The following AUTS2 variants were observed in gnomAD, a reference collection of about 807,000 sequenced individuals.
AUTS2 encodes autism susceptibility gene 2 protein.
In AUTS2, 17 loss-of-function variants were observed where a neutral mutation model predicts 112.4. That is an observed-to-expected ratio of 0.15 (90% CI 0.10 to 0.23). The LOEUF (loss-of-function observed/expected upper bound fraction) is 0.23, where lower values mean the gene tolerates loss of function less well. Ranked by LOEUF, AUTS2 falls within the 10% of genes least tolerant of loss-of-function variation. The pLI is 1.00. For missense variants in AUTS2, 1,510 were observed against 1,701.6 expected, an observed-to-expected ratio of 0.89 and a Z score of 1.98; for synonymous variants, 751 against 702.7, an observed-to-expected ratio of 1.07 and a Z score of -1.09.
intron 4 of AUTS2, among the ~76,000 whole-genome samples, chr7:70,406,919 G>A (rs1794560255): frequency 6.6e-6 from 1 of 152,186 alleles, no homozygotes; most frequent in Admixed American, 6.5e-5. Flanking sequence ...TCCAATAGAG[G>A]AAGCAGCTGG....
intron 1 of AUTS2, among the ~76,000 whole-genome samples, chr7:69,806,197 CTTTTTTTTTTTTTTTTT>C (rs56704400): frequency 7.3e-5 from 4 of 55,024 alleles, no homozygotes; most frequent in African/African-American, 1.2e-4. Flanking sequence ...CCAGCCAAGG[CTTTTTTTTTTTTTTTTT>C]TTTTTTTTTT....
At chr7:70,543,698 C>A (rs34624532) in intron 5 of AUTS2, among the ~76,000 whole-genome samples, 11,857 of 152,194 alleles carry the variant, frequency 0.078, 508 homozygotes, top group African/African-American at 0.082. Context: ...TGTTCACAAG[C>A]TCAGGAGCCA....
chr7:70,381,632 A>C (rs1325061492), intron 4 of AUTS2, among the ~76,000 whole-genome samples: 1 of 152,214 alleles, frequency 6.6e-6, no homozygotes, highest in Non-Finnish European at 1.5e-5. Flanking sequence ...CTCTATGATC[A>C]TTAACCCTCC....
chr7:70,184,094 G>A (rs1809473754), intron 4 of AUTS2, among the ~76,000 whole-genome samples: 2 of 152,124 alleles, frequency 1.3e-5, no homozygotes, highest in African/African-American at 4.8e-5. Context: ...TAGTACCTCA[G>A]GATTTTGTTT....
chr7:70,134,748 G>A (rs1299312098), intron 4 of AUTS2, among the ~76,000 whole-genome samples, 177 bp downstream of exon 4: 2 of 152,066 alleles, frequency 1.3e-5, no homozygotes, highest in African/African-American at 2.4e-5. Flanking sequence ...TAGCCTGCTG[G>A]GCCCTAGGGA....
At chr7:70,023,281 C>G (rs921709727) in intron 2 of AUTS2, among the ~76,000 whole-genome samples, 2 of 152,190 alleles carry the variant, frequency 1.3e-5, no homozygotes, top group Non-Finnish European at 2.9e-5. Flanking sequence ...TCATTAACAA[C>G]TTTCTTTAGC....
intron 2 of AUTS2, among the ~76,000 whole-genome samples, chr7:69,900,713 T>C (rs1794934889): frequency 6.6e-6 from 1 of 152,192 alleles, no homozygotes; most frequent in Non-Finnish European, 1.5e-5. Context: ...TTATACGTAG[T>C]GAAGCATATA....
intron 4 of AUTS2, among the ~76,000 whole-genome samples, chr7:70,241,382 G>A (rs141889786): frequency 7.2e-4 from 109 of 152,252 alleles, no homozygotes; most frequent in African/African-American, 1.8e-3. Flanking sequence ...TCTAAGAGGA[G>A]TCAATATAAA....
Position 70,281,496 on chromosome 7 carries a change from A to G in AUTS2, c.660+146925A>G, listed in dbSNP as rs572427739. Among the ~76,000 whole-genome samples, 9 of 152,358 alleles carry G rather than the reference A, an allele frequency of 5.9e-5. No homozygotes were observed. In the South Asian group the frequency reaches 1.9e-3, roughly 32 times the overall value. On this transcript the variant is annotated intron_variant, in intron 4 of 18. Transcript: ENST00000342771. ...AGTTTTCTTCTTTGTAGTTAAAGTG[A>G]TAGGGTGGAAACAGGAGCATAGAAA...
At chr7:69,968,533 G>A (rs1797719871) in intron 2 of AUTS2, among the ~76,000 whole-genome samples, 1 of 152,158 alleles carries the variant, frequency 6.6e-6, no homozygotes. Context: ...TTAGAAATGA[G>A]GTTTCCAGGA....
intron 1 of AUTS2, among the ~76,000 whole-genome samples, chr7:69,867,451 C>G (rs1439968247): frequency 6.6e-6 from 1 of 152,114 alleles, no homozygotes; most frequent in Non-Finnish European, 1.5e-5. Context: ...GTTTTAAAAA[C>G]TGCTCACGTT....
intron 2 of AUTS2, among the ~76,000 whole-genome samples, chr7:70,067,352 G>T (rs1802542459): frequency 6.6e-6 from 1 of 152,084 alleles, no homozygotes; most frequent in African/African-American, 2.4e-5. Context: ...TAATAAGGAG[G>T]TACTACTTTT....
At chr7:70,696,696 C>CAG (rs398005129) in intron 5 of AUTS2, among the ~76,000 whole-genome samples, 1 of 151,904 alleles carries the variant, frequency 6.6e-6, no homozygotes, top group East Asian at 1.9e-4. Context: ...CACACACACA[C>CAG]TAAGTGCAAA....
chr7:69,869,886 T>C (rs1793405140), intron 1 of AUTS2, among the ~76,000 whole-genome samples: 1 of 152,192 alleles, frequency 6.6e-6, no homozygotes, highest in African/African-American at 2.4e-5. Flanking sequence ...CAGGTACATA[T>C]TCAGAGACTC....
At chr7:69,605,534 G>A (rs2129073275) in intron 1 of AUTS2, among the ~76,000 whole-genome samples, 1 of 152,242 alleles carries the variant, frequency 6.6e-6, no homozygotes. Context: ...TGTCCCTTCT[G>A]GTTTCATATA....
At chr7:70,496,161 G>C (rs1220728242) in intron 5 of AUTS2, among the ~76,000 whole-genome samples, 1 of 65,102 alleles carries the variant, frequency 1.5e-5, no homozygotes, top group Non-Finnish European at 2.9e-5. Context: ...CACACACCAC[G>C]TACACAGTCA....
intron 2 of AUTS2, among the ~76,000 whole-genome samples, chr7:70,044,155 C>T (rs956170753): frequency 2.0e-5 from 3 of 152,182 alleles, no homozygotes; most frequent in African/African-American, 7.2e-5. Flanking sequence ...AGCCCCTCCT[C>T]CTGCCGCTGG....
intron 1 of AUTS2, among the ~76,000 whole-genome samples, chr7:69,727,288 C>G (rs1047076580): frequency 6.6e-6 from 1 of 152,058 alleles, no homozygotes; most frequent in African/African-American, 2.4e-5. Flanking sequence ...CTGGCACCTC[C>G]GTTGAAAATC....
At chr7:70,438,742 A>C (rs12112211) in intron 5 of AUTS2, among the ~76,000 whole-genome samples, 1,872 of 152,248 alleles carry the variant, frequency 0.012, 42 homozygotes, top group African/African-American at 0.041. Flanking sequence ...GAAGCCCCAG[A>C]GCTAACCAGG....
Sources: gnomAD v4.1 joint callset for allele counts (sites outside exome capture counted in the v4.1 genomes callset) on GRCh38, gnomAD v4.1.1 for gene constraint, MANE v1.5 for transcripts, NCBI Gene and HGNC (gene_info 2026-07-23, HGNC 2026-07-21) for gene names.